The following ERC2 variants were observed in gnomAD, a reference collection of about 807,000 sequenced individuals.
ERC2 encodes the protein ERC protein 2.
ERC2 carries 42 observed loss-of-function variants against 114.8 expected under a neutral mutation model. That is an observed-to-expected ratio of 0.37 (90% CI 0.29 to 0.47). The LOEUF (loss-of-function observed/expected upper bound fraction) is 0.47. Ranked by LOEUF, ERC2 falls within the 20% of genes least tolerant of loss-of-function variation. The pLI is 0.99. For synonymous variants in ERC2, 454 were observed against 425.5 expected, an observed-to-expected ratio of 1.07 and a Z score of -0.82; for missense variants, 939 against 1,150.7, an observed-to-expected ratio of 0.82 and a Z score of 2.66.
rs1480455730 is a variant in ERC2, at chr3:55,649,405, CG to C, written c.*39+34388del. ...CCTCCCGAGTAGCTGGGACTACAGGCGCGCACCACCAGGTCTGGCTAATTTT... is the reference window on the plus strand; with the variant it reads ...CCTCCCGAGTAGCTGGGACTACAGGCCGCACCACCAGGTCTGGCTAATTTT... On this transcript the variant is annotated intron_variant, in intron 17 of 17. Transcript: ENST00000288221. 1.7e-4 allele frequency among the ~76,000 whole-genome samples: 26 copies of C among 151,924 alleles called. No homozygotes were observed. In the East Asian group the frequency reaches 5.0e-3, roughly 29 times the overall value.
At chr3:56,106,745 A>C (rs2078686228) in intron 6 of ERC2, among the ~76,000 whole-genome samples, 1 of 152,200 alleles carries the variant, frequency 6.6e-6, no homozygotes, top group African/African-American at 2.4e-5. Context: ...TAGTGTTTAT[A>C]AACTGGCTTA....
At chr3:55,587,536 C>T (rs2057664842) in intron 17 of ERC2, among the ~76,000 whole-genome samples, 1 of 152,182 alleles carries the variant, frequency 6.6e-6, no homozygotes, top group Admixed American at 6.5e-5. Context: ...ACCCTAATGG[C>T]ACATATCTTC....
intron 14 of ERC2, among the ~76,000 whole-genome samples, chr3:55,791,026 G>T (rs1175339647): frequency 6.6e-6 from 1 of 152,204 alleles, no homozygotes; most frequent in African/African-American, 2.4e-5. Flanking sequence ...GTCAACCAGG[G>T]TCATCATGAG....
intron 14 of ERC2, among the ~76,000 whole-genome samples, chr3:55,867,765 C>T (rs992560690): frequency 4.6e-5 from 7 of 151,988 alleles, no homozygotes; most frequent in Admixed American, 2.0e-4. Flanking sequence ...ATCATTTACT[C>T]TTGATTTTCA....
At chr3:56,395,267 T>C (rs1029773719) in intron 2 of ERC2, among the ~76,000 whole-genome samples, 6 of 152,214 alleles carry the variant, frequency 3.9e-5, no homozygotes, top group Admixed American at 1.3e-4. Flanking sequence ...CTGTAAATGA[T>C]TGAATTCCTT....
chr3:55,607,695 G>T (rs2058704858), intron 17 of ERC2, among the ~76,000 whole-genome samples: 1 of 146,418 alleles, frequency 6.8e-6, no homozygotes, highest in South Asian at 2.2e-4. Context: ...AGACCCAATT[G>T]CAGCAATCCT....
intron 17 of ERC2, among the ~76,000 whole-genome samples, chr3:55,580,504 A>G (rs750835941): frequency 5.9e-5 from 9 of 152,200 alleles, no homozygotes; most frequent in Non-Finnish European, 1.0e-4. Context: ...AACTCCCACA[A>G]GAGCCCTGAA....
At chr3:56,247,453 G>T (rs1576064913) in intron 3 of ERC2, among the ~76,000 whole-genome samples, 1 of 152,142 alleles carries the variant, frequency 6.6e-6, no homozygotes, top group Non-Finnish European at 1.5e-5. Flanking sequence ...GCTCTTTAAT[G>T]ATAAAAACAT....
At chr3:55,738,334 G>A (rs752904136) in intron 14 of ERC2, among the ~76,000 whole-genome samples, 3 of 152,124 alleles carry the variant, frequency 2.0e-5, no homozygotes, top group Non-Finnish European at 4.4e-5. Flanking sequence ...CAAGGTGACA[G>A]GATGAATAAG....
At chr3:55,743,249 G>C (rs568184106) in intron 14 of ERC2, among the ~76,000 whole-genome samples, 1 of 144,340 alleles carries the variant, frequency 6.9e-6, no homozygotes, top group South Asian at 2.2e-4. Flanking sequence ...CAGGGAGGTG[G>C]CTGGCCCATC....
chr3:55,754,127 G>A lies in ERC2; in HGVS notation c.2565-19209C>T, dbSNP rs562875338. Among the ~76,000 whole-genome samples, 15 of 151,126 alleles carry A rather than the reference G, an allele frequency of 9.9e-5. No individual in the cohort carries two copies. In the South Asian group the frequency reaches 1.5e-3, roughly 15 times the overall value. ...GAGTGTGGTTCATTAAGTTATTATCGGCTACAAGATAAATATGTTCAAATC... is the reference window on the plus strand; with the variant it reads ...GAGTGTGGTTCATTAAGTTATTATCAGCTACAAGATAAATATGTTCAAATC... On this transcript the variant is annotated intron_variant, in intron 14 of 17. Coordinates refer to ENST00000288221, the MANE Select transcript of ERC2 (RefSeq NM_015576.3).
chr3:56,297,699 G>A lies in ERC2; in HGVS notation c.658-1264C>T, dbSNP rs572507604. Among the ~76,000 whole-genome samples the A allele has an allele frequency of 1.8e-3, 278 of 152,324 alleles. 5 individuals are homozygous for A. The highest frequency in any genetic ancestry group is 6.2e-3 in the African/African-American group (259 of 41,580). On this transcript the variant is annotated intron_variant, in intron 2 of 17. Coordinates refer to ENST00000288221, the MANE Select transcript of ERC2 (RefSeq NM_015576.3). Reference sequence around the variant, plus strand: ...TGGAATGAACACAGTGCTAAGCACAGGAATCAAGAGGGACATAAGACATAG... The same window carrying A: ...TGGAATGAACACAGTGCTAAGCACAAGAATCAAGAGGGACATAAGACATAG...
At chr3:56,331,095 GC>G (rs1386113873) in intron 2 of ERC2, among the ~76,000 whole-genome samples, 1 of 152,104 alleles carries the variant, frequency 6.6e-6, no homozygotes, top group Non-Finnish European at 1.5e-5. Flanking sequence ...CTTTAGTTAG[GC>G]TCCTGTAGAC....
At chr3:55,528,030 C>A (rs1485542987) in intron 17 of ERC2, among the ~76,000 whole-genome samples, 1 of 152,044 alleles carries the variant, frequency 6.6e-6, no homozygotes, top group African/African-American at 2.4e-5. Flanking sequence ...CTTGGAGGAT[C>A]AGGGGTAATA....
chr3:55,651,148 A>C lies in ERC2; in HGVS notation c.*39+32646T>G, dbSNP rs117883532. Among the ~76,000 whole-genome samples, 315 of 149,920 alleles carry C rather than the reference A, an allele frequency of 2.1e-3. 12 individuals are homozygous for C. In the East Asian group the frequency reaches 0.058, roughly 28 times the overall value. ...AGTACTGGGATTACAGGCGTGAGCCACTGCACCTGGCCTGCCTCTCATAGG... is the reference window on the plus strand; with the variant it reads ...AGTACTGGGATTACAGGCGTGAGCCCCTGCACCTGGCCTGCCTCTCATAGG... On this transcript the variant is annotated intron_variant, in intron 17 of 17. Transcript: ENST00000288221.
At chr3:55,565,217 C>A (rs1283319580) in intron 17 of ERC2, among the ~76,000 whole-genome samples, 1 of 152,148 alleles carries the variant, frequency 6.6e-6, no homozygotes, top group Non-Finnish European at 1.5e-5. Flanking sequence ...CGAAGCCAAA[C>A]TTAATTCTAA....
At chr3:56,199,977 G>C (rs910003716) in intron 3 of ERC2, among the ~76,000 whole-genome samples, 10 of 152,056 alleles carry the variant, frequency 6.6e-5, no homozygotes, top group African/African-American at 2.4e-4. Flanking sequence ...TATAATTGGA[G>C]GTATAGTCTT....
intron 3 of ERC2, among the ~76,000 whole-genome samples, chr3:56,194,269 A>G (rs2047961114): frequency 6.6e-6 from 1 of 152,210 alleles, no homozygotes; most frequent in South Asian, 2.1e-4. Flanking sequence ...CTATCCATCC[A>G]GAATCCGTGG....
chr3:56,415,428 T>C (rs924917867), intron 2 of ERC2, among the ~76,000 whole-genome samples: 2 of 152,240 alleles, frequency 1.3e-5, no homozygotes, highest in Non-Finnish European at 2.9e-5. Context: ...TATTTGTAAT[T>C]GACTCTGAAT....
Sources: allele counts gnomAD v4.1 joint callset (sites outside exome capture counted in the v4.1 genomes callset), GRCh38; gene constraint gnomAD v4.1.1; transcripts MANE v1.5; gene names NCBI Gene and HGNC (gene_info 2026-07-23, HGNC 2026-07-21).